The following SPAG16 variants were observed in gnomAD, a reference collection of about 807,000 sequenced individuals.
SPAG16 encodes sperm-associated antigen 16 protein.
SPAG16 carries 86 observed loss-of-function variants against 80.4 expected under a neutral mutation model. That is an observed-to-expected ratio of 1.07 (90% CI 0.90 to 1.28). The LOEUF (loss-of-function observed/expected upper bound fraction) is 1.28, where lower values mean the gene tolerates loss of function less well. Ranked by LOEUF, SPAG16 falls within the 50% of genes most tolerant of loss-of-function variation. The pLI, the probability that SPAG16 is intolerant of heterozygous loss-of-function variation, is 0.00. For synonymous variants in SPAG16, 294 were observed against 265.9 expected, an observed-to-expected ratio of 1.11 and a Z score of -1.03; for missense variants, 870 against 765.3, an observed-to-expected ratio of 1.14 and a Z score of -1.61.
At chr2:214,262,906 C>T (rs1044900589) in intron 15 of SPAG16, among the ~76,000 whole-genome samples, 1 of 151,944 alleles carries the variant, frequency 6.6e-6, no homozygotes, top group Non-Finnish European at 1.5e-5. Flanking sequence ...CAAACAGTAT[C>T]ATTTTATTTT....
At chr2:213,875,264 G>C (rs2076099203) in intron 11 of SPAG16, among the ~76,000 whole-genome samples, 1 of 151,820 alleles carries the variant, frequency 6.6e-6, no homozygotes, top group Non-Finnish European at 1.5e-5. Flanking sequence ...ACATTTGGAG[G>C]GTTTTAAATA....
Position 213,573,624 on chromosome 2 carries a change from C to T in SPAG16, c.1070+83534C>T, listed in dbSNP as rs2060008005. Among the ~76,000 whole-genome samples the T allele has an allele frequency of 5.3e-5, 8 of 152,192 alleles. No homozygotes were observed. The South Asian group carries it at 1.4e-3, about 28-fold the overall frequency. ...CTGCTCTAATTGCTTTAGGAATTTCCTTTAATACATATTTTGTATATATTT... is the reference window on the plus strand; with the variant it reads ...CTGCTCTAATTGCTTTAGGAATTTCTTTTAATACATATTTTGTATATATTT... On this transcript the variant is annotated intron_variant, in intron 10 of 15. Coordinates refer to ENST00000331683, the MANE Select transcript of SPAG16 (RefSeq NM_024532.5).
At chr2:213,557,510 C>T (rs2059463390) in intron 10 of SPAG16, among the ~76,000 whole-genome samples, 1 of 151,576 alleles carries the variant, frequency 6.6e-6, no homozygotes, top group Non-Finnish European at 1.5e-5. Context: ...TTTTAAATTG[C>T]TGAGTCTTTC....
At chr2:213,713,944 C>A (rs907167360) in intron 10 of SPAG16, among the ~76,000 whole-genome samples, 2 of 152,096 alleles carry the variant, frequency 1.3e-5, no homozygotes, top group Non-Finnish European at 2.9e-5. Context: ...ATTCTAGTAA[C>A]CATTCACAAA....
chr2:213,553,698 C>T (rs751320850), intron 10 of SPAG16, among the ~76,000 whole-genome samples: 5 of 152,092 alleles, frequency 3.3e-5, no homozygotes, highest in Non-Finnish European at 5.9e-5. Context: ...CTACAATAGG[C>T]GTGATCATGT....
chr2:213,550,911 A>C (rs892642247), intron 10 of SPAG16, among the ~76,000 whole-genome samples: 2 of 151,916 alleles, frequency 1.3e-5, no homozygotes, highest in Non-Finnish European at 2.9e-5. Flanking sequence ...GCATATTTTA[A>C]ATTTTCTTTT....
chr2:213,620,214 G>A (rs1404498722), intron 10 of SPAG16, among the ~76,000 whole-genome samples: 3 of 150,058 alleles, frequency 2.0e-5, no homozygotes, highest in Non-Finnish European at 3.0e-5. Context: ...ATTATAGCTT[G>A]ATAGGAGGAA....
chr2:213,559,036 A>G (rs532940108), intron 10 of SPAG16, among the ~76,000 whole-genome samples: 1 of 152,240 alleles, frequency 6.6e-6, no homozygotes, highest in South Asian at 2.1e-4. Flanking sequence ...ATTATCTAAT[A>G]CCTAGGCCTC....
chr2:213,340,442 G>C (rs922785694), intron 6 of SPAG16, among the ~76,000 whole-genome samples, 172 bp downstream of exon 6: 61 of 152,284 alleles, frequency 4.0e-4, no homozygotes, highest in African/African-American at 1.4e-3. Flanking sequence ...TGTGTGTGAA[G>C]TGGGAGGAGT....
rs2063233446 is a variant in SPAG16, at chr2:213,312,494, C to T, written c.398+2317C>T. On this transcript the variant is annotated intron_variant, in intron 4 of 15. Coordinates refer to ENST00000331683, the MANE Select transcript of SPAG16 (RefSeq NM_024532.5). ...GAACTACTCACCCTAAAGATACATT[C>T]TTACTTTTTTTGCCTCTTACTACAC... Among the ~76,000 whole-genome samples the T allele has an allele frequency of 2.6e-5, 4 of 151,748 alleles. No individual in the cohort carries two copies. The South Asian group carries it at 8.3e-4, about 31-fold the overall frequency.
At chr2:213,731,411 C>T (rs962473122) in intron 10 of SPAG16, among the ~76,000 whole-genome samples, 10 of 151,070 alleles carry the variant, frequency 6.6e-5, no homozygotes, top group African/African-American at 1.9e-4. Context: ...CCATCCACCT[C>T]GGCCTCCCAA....
chr2:214,215,356 C>G (rs554483070), intron 15 of SPAG16, among the ~76,000 whole-genome samples: 1 of 152,192 alleles, frequency 6.6e-6, no homozygotes, highest in African/African-American at 2.4e-5. Flanking sequence ...ATAGAATAGA[C>G]TGGCCTCACG....
At chr2:214,083,939 T>A (rs111667761) in intron 13 of SPAG16, among the ~76,000 whole-genome samples, 3 of 152,194 alleles carry the variant, frequency 2.0e-5, no homozygotes, top group African/African-American at 7.2e-5. Context: ...TTACTATTGA[T>A]GTCCTTCCTC....
chr2:213,422,339 C>T, intron 9 of SPAG16: 1 of 698,796 alleles, frequency 1.4e-6, no homozygotes, highest in Non-Finnish European at 2.6e-6. Flanking sequence ...CAGGCTTACA[C>T]AGATCCAGTG....
intron 15 of SPAG16, among the ~76,000 whole-genome samples, chr2:214,357,338 A>G (rs1331714669): frequency 6.6e-6 from 1 of 151,950 alleles, no homozygotes; most frequent in Non-Finnish European, 1.5e-5. Context: ...CCAATGAGAA[A>G]TATCTTATAC....
intron 9 of SPAG16, among the ~76,000 whole-genome samples, chr2:213,487,411 G>C (rs2074031984): frequency 6.6e-6 from 1 of 151,920 alleles, no homozygotes. Flanking sequence ...CTTCTATCCT[G>C]CACACATTGT....
intron 10 of SPAG16, among the ~76,000 whole-genome samples, chr2:213,550,953 T>A (rs2076760872): frequency 6.6e-6 from 1 of 152,120 alleles, no homozygotes. Context: ...TTTAGCATTT[T>A]AAATATATCT....
intron 10 of SPAG16, among the ~76,000 whole-genome samples, chr2:213,711,152 G>A (rs2065967713): frequency 6.6e-6 from 1 of 152,034 alleles, no homozygotes; most frequent in Non-Finnish European, 1.5e-5. Flanking sequence ...TCCTAAATTA[G>A]CATGGTCCAG....
At chr2:213,805,825 A>C (rs533900303) in intron 10 of SPAG16, among the ~76,000 whole-genome samples, 37 of 152,306 alleles carry the variant, frequency 2.4e-4, no homozygotes, top group African/African-American at 8.9e-4. Flanking sequence ...ACTATTTTTA[A>C]ATTTTAAAAT....
Sources: gnomAD v4.1 joint callset for allele counts (sites outside exome capture counted in the v4.1 genomes callset) on GRCh38, gnomAD v4.1.1 for gene constraint, MANE v1.5 for transcripts, NCBI Gene and HGNC (gene_info 2026-07-23, HGNC 2026-07-21) for gene names.